The following PRH1 variants were observed in gnomAD, a reference collection of about 807,000 sequenced individuals.
The protein encoded by PRH1 is proline rich protein HaeIII subfamily 1.
PRH1 carries 7 observed loss-of-function variants against 7.9 expected under a neutral mutation model. The observed-to-expected ratio is 0.89, with a 90% CI of 0.50 to 1.67. The LOEUF (loss-of-function observed/expected upper bound fraction) is 1.67. PRH1 is among the 40% of genes most tolerant of loss of function. The pLI is 0.00. For missense variants in PRH1, 109 were observed against 223.6 expected, an observed-to-expected ratio of 0.49 and a Z score of 3.27; for synonymous variants, 45 against 80.8, an observed-to-expected ratio of 0.56 and a Z score of 2.38.
intron 2 of PRH1, among the ~76,000 whole-genome samples, chr12:10,958,230 C>G (rs1053363291): frequency 1.2e-4 from 19 of 152,022 alleles, no homozygotes; most frequent in African/African-American, 4.6e-4. Flanking sequence ...ACTATGCAGT[C>G]ATTAGAAAAA....
intron 2 of PRH1, among the ~76,000 whole-genome samples, chr12:10,919,866 T>A (rs1376191023): frequency 1.3e-5 from 2 of 151,602 alleles, no homozygotes; most frequent in Non-Finnish European, 2.9e-5. Context: ...TGAGACACGG[T>A]CTTGCTCTGT....
At chr12:10,986,494 T>G in intron 1 of PRH1, 1 of 1,614,084 alleles carries the variant, frequency 6.2e-7, no homozygotes, top group Middle Eastern at 1.6e-4. Context: ...CTAACTCTCC[T>G]CTTTAAATGA....
intron 1 of PRH1, among the ~76,000 whole-genome samples, chr12:11,069,165 A>G (rs79927565): frequency 0.49 from 62,679 of 129,036 alleles, 13,983 homozygotes; most frequent in Non-Finnish European, 0.57. Context: ...AAATCTGTCT[A>G]CCTAAACCTC....
chr12:10,939,075 C>G lies in PRH1; in HGVS notation c.-59+34580G>C, dbSNP rs1308260580. 3 of 1,613,986 alleles carry G rather than the reference C, an allele frequency of 1.9e-6. No homozygotes were observed. In the South Asian group the frequency reaches 3.3e-5, roughly 18 times the overall value. Reference sequence around the variant, plus strand: ...ATTGCCAAAGCAGTGAGGATCCGATCAACCGAAGAGATCTTTCTTCCCTTG... The same window carrying G: ...ATTGCCAAAGCAGTGAGGATCCGATGAACCGAAGAGATCTTTCTTCCCTTG... On this transcript the variant is annotated intron_variant, in intron 2 of 3. Coordinates refer to the PRH1 transcript ENST00000539853.
chr12:10,973,695 A>G, exon 2 of PRH1: 1 of 780,348 alleles, frequency 1.3e-6, no homozygotes. Flanking sequence ...AGCAGGTTCC[A>G]GCAGGCAAAA....
intron 3 of PRH1, 102 bp downstream of exon 3, chr12:10,882,115 G>C: frequency 6.4e-7 from 1 of 1,558,808 alleles, no homozygotes; most frequent in East Asian, 2.2e-5. Flanking sequence ...TGTGTTCCAG[G>C]ACAGGGCAAT....
intron 2 of PRH1, chr12:10,929,383 C>T (rs376218241): frequency 2.6e-5 from 42 of 1,609,666 alleles, no homozygotes; most frequent in Admixed American, 6.7e-5. Context: ...TTGGGGTTTA[C>T]GGGCGAATGC....
At chr12:10,916,418 AC>A (rs2135838710) in intron 2 of PRH1, among the ~76,000 whole-genome samples, 1 of 152,286 alleles carries the variant, frequency 6.6e-6, no homozygotes, top group South Asian at 2.1e-4. Flanking sequence ...CTTGAAGATT[AC>A]ACTTTTTTTC....
chr12:11,060,882 C>T (rs1176637460), intron 1 of PRH1, among the ~76,000 whole-genome samples: 2 of 152,262 alleles, frequency 1.3e-5, no homozygotes, highest in Non-Finnish European at 2.9e-5. Context: ...AATGACCTTA[C>T]CATCCAAAAA....
chr12:10,992,598 A>G lies in PRH1; in HGVS notation c.-125-18877T>C, dbSNP rs369026631. Among the ~76,000 whole-genome samples, 34 of 152,206 alleles carry G rather than the reference A, an allele frequency of 2.2e-4. 1 individual carries two copies. In the South Asian group the frequency reaches 6.6e-3, roughly 30 times the overall value. ...CTACAATCAGTTTATTTTCTTTAAC[A>G]AACAGGGTCTTGCTGTCTTGCCCAG... On this transcript the variant is annotated intron_variant, in intron 1 of 3. Coordinates refer to the PRH1 transcript ENST00000539853.
intron 1 of PRH1, among the ~76,000 whole-genome samples, chr12:11,155,600 T>C (rs1458171478): frequency 6.6e-6 from 1 of 152,220 alleles, no homozygotes; most frequent in African/African-American, 2.4e-5. Context: ...AATACAACCT[T>C]AATATATTTT....
chr12:10,904,631 G>A (rs1047575836), intron 2 of PRH1, among the ~76,000 whole-genome samples: 5 of 152,066 alleles, frequency 3.3e-5, no homozygotes, highest in Middle Eastern at 3.2e-3. Flanking sequence ...AAGAATTTAT[G>A]ACTAAGTCCC....
intron 1 of PRH1, among the ~76,000 whole-genome samples, chr12:11,006,536 C>G (rs10845287): frequency 0.3 from 46,218 of 151,672 alleles, 8,906 homozygotes; most frequent in East Asian, 0.74. Flanking sequence ...GCATGCACCA[C>G]CAAGCCTGCT....
intron 2 of PRH1, among the ~76,000 whole-genome samples, chr12:10,929,001 G>T (rs1295666151): frequency 6.6e-6 from 1 of 152,184 alleles, no homozygotes; most frequent in Non-Finnish European, 1.5e-5. Flanking sequence ...CTTGGACACA[G>T]TTCCGTCAAA....
chr12:10,987,799 T>G (rs1939727303), intron 1 of PRH1, among the ~76,000 whole-genome samples: 1 of 152,136 alleles, frequency 6.6e-6, no homozygotes, highest in Admixed American at 6.5e-5. Context: ...ATTATTTAAT[T>G]AAAATGTTCA....
intron 1 of PRH1, chr12:11,061,550 C>G: frequency 6.2e-7 from 1 of 1,614,104 alleles, no homozygotes; most frequent in Non-Finnish European, 8.5e-7. Context: ...AAACTCCAAA[C>G]TGACATGATT....
intron 2 of PRH1, among the ~76,000 whole-genome samples, chr12:10,906,981 T>G (rs1205491060): frequency 1.3e-5 from 2 of 152,142 alleles, no homozygotes; most frequent in African/African-American, 4.8e-5. Context: ...CCAAAGCATA[T>G]GAAAAAATCA....
chr12:10,949,029 A>C (rs1950530328), intron 2 of PRH1, among the ~76,000 whole-genome samples: 1 of 152,108 alleles, frequency 6.6e-6, no homozygotes, highest in Non-Finnish European at 1.5e-5. Context: ...TGTTCTGAAG[A>C]TGTAGGTTCC....
intron 2 of PRH1, chr12:10,895,988 T>G (rs1255380017): frequency 6.6e-6 from 1 of 152,232 alleles, no homozygotes; most frequent in Non-Finnish European, 1.5e-5. Flanking sequence ...TCTGTTTTAT[T>G]GATGGCCATT....
Sources: allele counts gnomAD v4.1 joint callset (sites outside exome capture counted in the v4.1 genomes callset), GRCh38; gene constraint gnomAD v4.1.1; transcripts MANE v1.5; gene names NCBI Gene and HGNC (gene_info 2026-07-23, HGNC 2026-07-21).